Variants in KLF12 observed in about 807,000 individuals in gnomAD.
The protein encoded by KLF12 is Krueppel-like factor 12.
In KLF12, 9 loss-of-function variants were observed where a neutral mutation model predicts 37.8. The ratio of observed to expected loss-of-function variants is 0.24; its 90% CI spans 0.14 to 0.42. The LOEUF is 0.42. KLF12 is among the 10% of genes least tolerant of loss of function. KLF12 has a pLI of 1.00. For synonymous variants in KLF12, 208 were observed against 202.1 expected, an observed-to-expected ratio of 1.03 and a Z score of -0.25; for missense variants, 411 against 516.0, an observed-to-expected ratio of 0.80 and a Z score of 1.97.
chr13:74,267,075 C>T, the KLF12 span, among the ~76,000 whole-genome samples: 3 of 152,168 alleles, frequency 2.0e-5, no homozygotes, highest in South Asian at 4.1e-4. Context: ...CGCCCATTCT[C>T]CTCATACTTG....
chr13:74,287,964 C>G, the KLF12 span, among the ~76,000 whole-genome samples: 5 of 152,174 alleles, frequency 3.3e-5, no homozygotes, highest in Admixed American at 6.5e-5. Context: ...GCTCCACCCC[C>G]CTCCCACCCG....
intron 2 of KLF12, among the ~76,000 whole-genome samples, chr13:73,955,923 C>T (rs1253856429): frequency 2.0e-5 from 3 of 152,206 alleles, no homozygotes; most frequent in Admixed American, 6.5e-5. Context: ...TGACGATGTT[C>T]TTTCCCCACC....
chr13:74,221,971 T>C, the KLF12 span, among the ~76,000 whole-genome samples: 30,124 of 152,174 alleles, frequency 0.2, 3,812 homozygotes, highest in African/African-American at 0.36. Flanking sequence ...CTCAATGAAC[T>C]CTGCTGGCTG....
chr13:74,100,635 G>A (rs1402865190), intron 1 of KLF12, among the ~76,000 whole-genome samples: 2 of 139,994 alleles, frequency 1.4e-5, no homozygotes, highest in South Asian at 2.3e-4. Context: ...ATATATATAT[G>A]TATAAACATA....
chr13:73,904,307 A>T (rs183709970), intron 3 of KLF12, among the ~76,000 whole-genome samples: 2 of 152,320 alleles, frequency 1.3e-5, no homozygotes, highest in Admixed American at 1.3e-4. Context: ...AGGTTGATTC[A>T]TGTAACAATC....
intron 1 of KLF12, among the ~76,000 whole-genome samples, chr13:74,129,489 T>C (rs1878141898): frequency 6.6e-6 from 1 of 152,196 alleles, no homozygotes; most frequent in Non-Finnish European, 1.5e-5. Context: ...CAGTCACTGA[T>C]AGTGGTGGGG....
intron 2 of KLF12, among the ~76,000 whole-genome samples, chr13:73,984,991 A>T (rs1364452657): frequency 6.7e-6 from 1 of 150,012 alleles, no homozygotes; most frequent in African/African-American, 2.5e-5. Context: ...ATCACATGGC[A>T]TCACTTCCAA....
intron 6 of KLF12, among the ~76,000 whole-genome samples, chr13:73,725,938 G>A (rs1876633567): frequency 2.0e-5 from 3 of 150,926 alleles, no homozygotes; most frequent in South Asian, 4.2e-4. Context: ...GTGCTATCTC[G>A]GCTCACTGCA....
intron 2 of KLF12, among the ~76,000 whole-genome samples, chr13:73,973,973 A>C (rs978503958): frequency 2.0e-5 from 3 of 152,196 alleles, no homozygotes; most frequent in African/African-American, 7.2e-5. Context: ...CACAATAAAA[A>C]CAGCATGGAA....
intron 4 of KLF12, among the ~76,000 whole-genome samples, chr13:73,828,790 G>C (rs1237888036): frequency 6.6e-6 from 1 of 151,902 alleles, no homozygotes; most frequent in Admixed American, 6.6e-5. Flanking sequence ...CTGCCCTTAA[G>C]CTTCATTTCC....
chr13:74,094,686 G>A (rs1320035761), intron 1 of KLF12, among the ~76,000 whole-genome samples: 3 of 150,674 alleles, frequency 2.0e-5, no homozygotes, highest in Non-Finnish European at 4.4e-5. Context: ...TGCAACCTCC[G>A]CCTTCCAGGT....
chr13:74,080,572 C>T (rs1874824466), intron 1 of KLF12, among the ~76,000 whole-genome samples: 1 of 151,698 alleles, frequency 6.6e-6, no homozygotes, highest in Non-Finnish European at 1.5e-5. Flanking sequence ...TAAAAGATTT[C>T]CTGCCTCCCA....
chr13:73,949,241 C>G (rs1890557599), intron 2 of KLF12, among the ~76,000 whole-genome samples: 1 of 152,008 alleles, frequency 6.6e-6, no homozygotes, highest in Admixed American at 6.6e-5. Flanking sequence ...ACTCCTAATA[C>G]AATAGAAAAA....
chr13:73,768,117 TC>T (rs1391323216), intron 5 of KLF12, among the ~76,000 whole-genome samples: 8 of 152,190 alleles, frequency 5.3e-5, no homozygotes, highest in Non-Finnish European at 8.8e-5. Context: ...CCTGACTGAA[TC>T]CCAGCTTCAC....
intron 2 of KLF12, among the ~76,000 whole-genome samples, chr13:73,959,124 C>CAAAAAAAAAAAAA (rs66521656): frequency 5.8e-5 from 5 of 86,838 alleles, no homozygotes; most frequent in African/African-American, 1.5e-4. Context: ...ACCCCCCTTC[C>CAAAAAAAAAAAAA]AAAAAAAAAC....
intron 4 of KLF12, among the ~76,000 whole-genome samples, chr13:73,821,560 C>T (rs937461842): frequency 1.3e-5 from 2 of 152,178 alleles, no homozygotes; most frequent in African/African-American, 4.8e-5. Flanking sequence ...TTTCCCACTG[C>T]TTTTCATCGA....
chr13:73,912,617 GGTTTCAGAGAGCCCAT>G (rs1888625753), intron 3 of KLF12, among the ~76,000 whole-genome samples: 1 of 152,078 alleles, frequency 6.6e-6, no homozygotes, highest in African/African-American at 2.4e-5. Flanking sequence ...CTCTCCTACA[GGTTTCAGAGAGCCCAT>G]GTCCCTGTTG....
At chr13:73,874,378 C>T (rs1468080103) in intron 3 of KLF12, among the ~76,000 whole-genome samples, 1 of 152,158 alleles carries the variant, frequency 6.6e-6, no homozygotes, top group Non-Finnish European at 1.5e-5. Context: ...TACGTTTAAG[C>T]AATTACGCAC....
chr13:74,302,701 T>A, the KLF12 span, among the ~76,000 whole-genome samples: 1 of 152,164 alleles, frequency 6.6e-6, no homozygotes, highest in African/African-American at 2.4e-5. Flanking sequence ...GGGACAAAAT[T>A]CCAGGAGAGA....
Sources: gnomAD v4.1 joint callset for allele counts (sites outside exome capture counted in the v4.1 genomes callset) on GRCh38, gnomAD v4.1.1 for gene constraint, MANE v1.5 for transcripts, NCBI Gene and HGNC (gene_info 2026-07-23, HGNC 2026-07-21) for gene names.